Variants in COL25A1 observed in about 807,000 individuals in gnomAD.
The protein encoded by COL25A1 is collagen type XXV alpha 1 chain.
COL25A1 carries 103 observed loss-of-function variants against 128.4 expected under a neutral mutation model. The observed-to-expected ratio is 0.80, with a 90% CI of 0.68 to 0.94. COL25A1 has a LOEUF of 0.94. COL25A1 is among the 40% of genes least tolerant of loss of function. COL25A1 has a pLI of 0.00. For missense variants in COL25A1, 745 were observed against 840.0 expected, an observed-to-expected ratio of 0.89 and a Z score of 1.40; for synonymous variants, 279 against 277.2, an observed-to-expected ratio of 1.01 and a Z score of -0.06.
chr4:109,174,549 G>C (rs760090553), intron 3 of COL25A1, among the ~76,000 whole-genome samples: 5 of 152,092 alleles, frequency 3.3e-5, no homozygotes, highest in African/African-American at 9.7e-5. Flanking sequence ...CATTGACATT[G>C]CTCCTGGGTG....
intron 35 of COL25A1, among the ~76,000 whole-genome samples, chr4:108,820,359 G>C (rs1251366781): frequency 6.6e-6 from 1 of 152,168 alleles, no homozygotes; most frequent in East Asian, 1.9e-4. Context: ...AGAGGAAAAG[G>C]AAAGAATATG....
In COL25A1 at chr4:109,176,477, A is replaced by C. The variant is rs117233644; in HGVS notation, c.367+124106T>G. On this transcript the variant is annotated intron_variant, in intron 3 of 37. Transcript: ENST00000399132. ...AACACTGATAATTGATTATTCTCCCAAAAACTAGAAAGGGTCAGCAAATAC... is the reference window on the plus strand; with the variant it reads ...AACACTGATAATTGATTATTCTCCCCAAAACTAGAAAGGGTCAGCAAATAC... Among the ~76,000 whole-genome samples, 96 of 152,278 alleles carry C rather than the reference A, an allele frequency of 6.3e-4. 1 individual carries two copies. The East Asian group carries it at 0.015, about 24-fold the overall frequency.
At chr4:109,153,215 A>G (rs556801961) in intron 3 of COL25A1, among the ~76,000 whole-genome samples, 4 of 151,582 alleles carry the variant, frequency 2.6e-5, no homozygotes, top group Non-Finnish European at 5.9e-5. Context: ...GAGAAACCTC[A>G]ACTCTACTAA....
intron 11 of COL25A1, among the ~76,000 whole-genome samples, chr4:108,930,604 T>C (rs752606842): frequency 2.0e-5 from 3 of 152,180 alleles, no homozygotes; most frequent in Non-Finnish European, 4.4e-5. Context: ...CTGAGTCTTA[T>C]AAAGTTGAAG....
intron 3 of COL25A1, among the ~76,000 whole-genome samples, chr4:109,118,660 TAACATTTCAAG>T (rs1363367899): frequency 5.9e-5 from 9 of 151,894 alleles, no homozygotes; most frequent in Non-Finnish European, 1.3e-4. Flanking sequence ...ATAAAGGGGT[TAACATTTCAAG>T]AAGACGAAAC....
chr4:109,010,807 AC>A (rs1756510453), intron 5 of COL25A1, among the ~76,000 whole-genome samples: 2 of 152,252 alleles, frequency 1.3e-5, no homozygotes. Context: ...TTTTAAAAAA[AC>A]AAAGGCAGAT....
At chr4:108,881,727 A>T (rs745331183) in intron 19 of COL25A1, among the ~76,000 whole-genome samples, 7 of 152,330 alleles carry the variant, frequency 4.6e-5, no homozygotes, top group Middle Eastern at 3.4e-3. Context: ...TAAATATCCA[A>T]TGACCACTAA....
chr4:109,207,463 T>G (rs2126190568), intron 3 of COL25A1, among the ~76,000 whole-genome samples: 1 of 152,310 alleles, frequency 6.6e-6, no homozygotes, highest in Admixed American at 6.5e-5. Flanking sequence ...CCTGATGGCT[T>G]GTCCCTGAGG....
At position 108,841,012 on chromosome 4, in the gene COL25A1, G is replaced by A. The variant is rs138322962; in HGVS notation, c.1656+683C>T. Among the ~76,000 whole-genome samples the A allele has an allele frequency of 9.7e-3, 1,482 of 152,300 alleles. 27 individuals are homozygous for A. Among genetic ancestry groups the A allele is most frequent in the African/African-American group, 0.033 (1,354 of 41,550 alleles). Reference sequence around the variant, plus strand: ...TCTTCATCACGTATGCTCCCTGAAAGGGGGACCTTGTCTTTCAGGGCTTAT... The same window carrying A: ...TCTTCATCACGTATGCTCCCTGAAAAGGGGACCTTGTCTTTCAGGGCTTAT... On this transcript the variant is annotated intron_variant, in intron 31 of 37. Transcript: ENST00000399132.
At chr4:108,993,524 C>T (rs1754433783) in intron 6 of COL25A1, among the ~76,000 whole-genome samples, 1 of 152,162 alleles carries the variant, frequency 6.6e-6, no homozygotes, top group South Asian at 2.1e-4. Context: ...GTACCATTTA[C>T]AACTCAATAA....
chr4:108,974,236 G>T, intron 8 of COL25A1, 131 bp downstream of exon 8: 1 of 836,882 alleles, frequency 1.2e-6, no homozygotes, highest in Non-Finnish European at 2.0e-6. Flanking sequence ...ACTTACAAGT[G>T]GTATGGTATT....
At chr4:109,120,900 T>G (rs1768051780) in intron 3 of COL25A1, among the ~76,000 whole-genome samples, 1 of 151,760 alleles carries the variant, frequency 6.6e-6, no homozygotes, top group African/African-American at 2.4e-5. Context: ...AAAAAAAATG[T>G]GCAAGATCTA....
chr4:109,033,373 G>A (rs1423549022), intron 5 of COL25A1, among the ~76,000 whole-genome samples: 1 of 152,194 alleles, frequency 6.6e-6, no homozygotes, highest in East Asian at 1.9e-4. Flanking sequence ...GGCTCCTTTA[G>A]CTTCCAGGTA....
chr4:109,174,964 C>T lies in COL25A1; in HGVS notation c.368-124785G>A, dbSNP rs1420996018. Among the ~76,000 whole-genome samples the T allele has an allele frequency of 2.0e-5, 3 of 152,126 alleles. 1 individual carries two copies. The highest frequency in any genetic ancestry group is 4.4e-5 in the Non-Finnish European group (3 of 68,002). On this transcript the variant is annotated intron_variant, in intron 3 of 37. Coordinates refer to ENST00000399132, the MANE Select transcript of COL25A1 (RefSeq NM_198721.4). ...AGTAGATTCTCATAGGAACATGAAC[C>T]CTATTGTGAACTGCGCTTGTGAGGG...
intron 5 of COL25A1, among the ~76,000 whole-genome samples, chr4:109,026,649 T>C (rs1168978158): frequency 6.6e-6 from 1 of 152,200 alleles, no homozygotes; most frequent in African/African-American, 2.4e-5. Context: ...ACACCTCTTT[T>C]TAGTAACTGT....
intron 3 of COL25A1, among the ~76,000 whole-genome samples, chr4:109,258,463 T>G (rs1781223240): frequency 6.6e-6 from 1 of 152,132 alleles, no homozygotes; most frequent in Non-Finnish European, 1.5e-5. Flanking sequence ...AATAACAGTA[T>G]GTACTTCATA....
At chr4:108,907,956 G>A (rs1743727467) in intron 13 of COL25A1, among the ~76,000 whole-genome samples, 1 of 152,120 alleles carries the variant, frequency 6.6e-6, no homozygotes, top group South Asian at 2.1e-4. Flanking sequence ...TGTAAAGTGT[G>A]TGGGGCTGAA....
intron 3 of COL25A1, among the ~76,000 whole-genome samples, chr4:109,100,641 C>A (rs745382407): frequency 3.3e-5 from 5 of 152,174 alleles, no homozygotes; most frequent in South Asian, 4.2e-4. Flanking sequence ...CATTTCTATA[C>A]CTAAAGAATA....
intron 3 of COL25A1, among the ~76,000 whole-genome samples, chr4:109,177,444 G>A (rs1774206184): frequency 6.6e-6 from 1 of 152,136 alleles, no homozygotes; most frequent in Admixed American, 6.5e-5. Context: ...GTTACTCCAG[G>A]GACAAAAGCG....
Sources: allele counts gnomAD v4.1 joint callset (sites outside exome capture counted in the v4.1 genomes callset), GRCh38; gene constraint gnomAD v4.1.1; transcripts MANE v1.5; gene names NCBI Gene and HGNC (gene_info 2026-07-23, HGNC 2026-07-21).